Variants in PTPRA observed in about 807,000 individuals in gnomAD.
PTPRA encodes the protein protein tyrosine phosphatase receptor type A, also known as receptor-type tyrosine-protein phosphatase alpha.
PTPRA carries 25 observed loss-of-function variants against 104.8 expected under a neutral mutation model. That is an observed-to-expected ratio of 0.24 (90% confidence interval 0.17 to 0.33). The LOEUF is 0.33. PTPRA is among the 10% of genes least tolerant of loss of function. The pLI, the probability that PTPRA is intolerant of heterozygous loss-of-function variation, is 1.00. For missense variants in PTPRA, 765 were observed against 1,015.3 expected (o/e 0.75, Z 3.35); for synonymous variants, 323 against 368.9 (o/e 0.88, Z 1.43).
chr20:2,990,699 C>T (rs1275021566), intron 9 of PTPRA, among the ~76,000 whole-genome samples: 1 of 152,058 alleles, frequency 6.6e-6, no homozygotes, highest in Non-Finnish European at 1.5e-5. Flanking sequence ...CCACTGCACC[C>T]CAGCCTGGAC....
At chr20:2,908,515 A>C (rs1223978841) in intron 1 of PTPRA, among the ~76,000 whole-genome samples, 1 of 152,180 alleles carries the variant, frequency 6.6e-6, no homozygotes, top group Admixed American at 6.6e-5. Context: ...CCAAGGGATG[A>C]CCGTAGAGTC....
intron 3 of PTPRA, among the ~76,000 whole-genome samples, chr20:2,959,685 G>A (rs890099670): frequency 6.6e-6 from 1 of 152,100 alleles, no homozygotes; most frequent in African/African-American, 2.4e-5. Flanking sequence ...AGGCGCGGTG[G>A]CTCACACCTG....
chr20:2,939,982 C>T (rs1418065530), intron 2 of PTPRA, among the ~76,000 whole-genome samples: 6 of 152,148 alleles, frequency 3.9e-5, no homozygotes, highest in South Asian at 2.1e-4. Flanking sequence ...TGGTGGGGGA[C>T]GCCTGTAATC....
chr20:3,019,437 C>T (rs546237736), intron 13 of PTPRA, among the ~76,000 whole-genome samples: 13 of 149,420 alleles, frequency 8.7e-5, no homozygotes, highest in African/African-American at 2.0e-4. Flanking sequence ...ACTTCTCAGA[C>T]GGGGCGGCCA....
chr20:2,865,417 G>A, the PTPRA span: 2 of 1,614,168 alleles, frequency 1.2e-6, no homozygotes, highest in African/African-American at 1.3e-5. The surrounding 1 kb of genome is among the most constrained non-coding windows in gnomAD (Gnocchi z 5.2). Context: ...GGCTGAAGCT[G>A]ACTGCCCTGG....
At chr20:3,032,911 A>ATT (rs34489806) in intron 20 of PTPRA, among the ~76,000 whole-genome samples, 2,359 of 144,170 alleles carry the variant, frequency 0.016, 110 homozygotes, top group Admixed American at 0.091. Flanking sequence ...CTCTTTTCTG[A>ATT]TTTTTTTTTT....
chr20:2,866,412 C>G, the PTPRA span: 6 of 1,614,186 alleles, frequency 3.7e-6, no homozygotes, highest in Middle Eastern at 1.7e-4. Context: ...ACCACCTCCT[C>G]TCTTGCTCAA....
chr20:2,989,369 G>T (rs1233237977), intron 9 of PTPRA, among the ~76,000 whole-genome samples: 1 of 152,086 alleles, frequency 6.6e-6, no homozygotes, highest in Non-Finnish European at 1.5e-5. Flanking sequence ...GGAGGCGGAG[G>T]TTGCAGTGAG....
intron 11 of PTPRA, among the ~76,000 whole-genome samples, chr20:3,008,750 A>G (rs1489769423): frequency 7.5e-6 from 1 of 133,672 alleles, no homozygotes; most frequent in East Asian, 1.9e-4. Flanking sequence ...AAAAACAAAA[A>G]AAAAAAAAAC....
the PTPRA span, chr20:2,866,599 C>T: frequency 6.2e-7 from 1 of 1,612,252 alleles, no homozygotes. Context: ...ACATCTCAAG[C>T]AAGGGGTTCC....
At chr20:2,958,006 A>G (rs542239425) in intron 3 of PTPRA, among the ~76,000 whole-genome samples, 1 of 151,220 alleles carries the variant, frequency 6.6e-6, no homozygotes, top group Admixed American at 6.6e-5. Context: ...ACAGTTTGGG[A>G]TTTTTCTTTC....
intron 13 of PTPRA, 96 bp downstream of exon 13, chr20:3,018,009 C>G: frequency 9.8e-7 from 1 of 1,025,484 alleles, no homozygotes; most frequent in African/African-American, 1.6e-5. Flanking sequence ...GGTGCTGTAC[C>G]AGTAGTTCAT....
rs117731415 is a variant in PTPRA at position 3,028,066 on chromosome 20, C to T, written c.1920+225C>T. 2.3e-3 allele frequency among the ~76,000 whole-genome samples: 354 copies of T among 152,316 alleles called. No individual in the cohort carries two copies. In the Middle Eastern group the frequency reaches 0.024, roughly 10 times the overall value. On this transcript the variant is annotated intron_variant, in intron 20 of 23. Coordinates refer to ENST00000399903, the MANE Select transcript of PTPRA (RefSeq NM_001385305.1). Reference sequence around the variant, plus strand: ...GGTGTCTAAGCAGTCATTAGCTTCTCCCAAGACTAGAAAAGCAATGTGATC... The same window carrying T: ...GGTGTCTAAGCAGTCATTAGCTTCTTCCAAGACTAGAAAAGCAATGTGATC...
In PTPRA at chr20:3,035,556, C is replaced by A; in HGVS notation, c.1921-29C>A. 1 of 1,596,830 alleles carries A rather than the reference C, an allele frequency of 6.3e-7. No homozygotes were observed. On this transcript the variant is annotated intron_variant, in intron 20 of 23. Coordinates refer to ENST00000399903, the MANE Select transcript of PTPRA (RefSeq NM_001385305.1). The surrounding 1 kb of genome is among the most constrained non-coding windows in gnomAD (Gnocchi z 5.8). Reference sequence around the variant, plus strand: ...GCTTCTACACATGTGGTACTCTGAGCTCCTCACCTCTCCAACCTGTCTCTC... The same window carrying A: ...GCTTCTACACATGTGGTACTCTGAGATCCTCACCTCTCCAACCTGTCTCTC...
At chr20:2,936,426 G>C (rs533198160) in intron 2 of PTPRA, among the ~76,000 whole-genome samples, 1 of 151,546 alleles carries the variant, frequency 6.6e-6, no homozygotes, top group Non-Finnish European at 1.5e-5. Flanking sequence ...GCCTCCCAAA[G>C]TGTTGGTATT....
At chr20:2,930,549 T>C (rs1445012476) in intron 2 of PTPRA, among the ~76,000 whole-genome samples, 3 of 152,122 alleles carry the variant, frequency 2.0e-5, no homozygotes, top group Non-Finnish European at 2.9e-5. Flanking sequence ...AGTCAAGGTG[T>C]TGGCAGTGTT....
chr20:2,949,956 A>G (rs2061298749), intron 3 of PTPRA, among the ~76,000 whole-genome samples: 3 of 152,032 alleles, frequency 2.0e-5, no homozygotes, highest in East Asian at 3.9e-4. Context: ...TCTTTTTTAT[A>G]TGCTAGATTC....
At chr20:2,872,960 T>G (rs894568598), upstream of PTPRA, among the ~76,000 whole-genome samples, 1 of 152,040 alleles carries the variant, frequency 6.6e-6, no homozygotes, top group East Asian at 1.9e-4. The surrounding 1 kb of genome is among the most constrained non-coding windows in gnomAD (Gnocchi z 7.9). Flanking sequence ...TGGGCTGACT[T>G]GATATAAGAC....
chr20:2,883,015 CTG>C (rs1331188837), intron 1 of PTPRA, among the ~76,000 whole-genome samples: 17 of 132,988 alleles, frequency 1.3e-4, no homozygotes, highest in African/African-American at 4.9e-4. Context: ...GGTTCTCACT[CTG>C]TATGTAGCCC....
Sources: allele counts gnomAD v4.1 joint callset (sites outside exome capture counted in the v4.1 genomes callset), GRCh38; gene constraint gnomAD v4.1.1; non-coding constraint Gnocchi (gnomAD v3.1); transcripts MANE v1.5; gene names NCBI Gene and HGNC (gene_info 2026-07-23, HGNC 2026-07-21).